The following SNAP91 variants were observed in gnomAD, a reference collection of about 807,000 sequenced individuals.
The protein encoded by SNAP91 is synaptosome associated protein 91.
Under a neutral mutation model 100.3 loss-of-function variants are expected in SNAP91, and 27 were observed. The ratio of observed to expected loss-of-function variants is 0.27; its 90% confidence interval spans 0.20 to 0.37. The LOEUF is 0.37. Among genes scored for constraint, SNAP91 ranks in the 10% least tolerant of loss-of-function variants. The pLI is 1.00. For synonymous variants in SNAP91, 404 were observed against 398.6 expected (o/e 1.01, Z -0.16); for missense variants, 986 against 1,123.7 (o/e 0.88, Z 1.75).
At chr6:83,672,684 C>A (rs1188881911) in intron 2 of SNAP91, among the ~76,000 whole-genome samples, 1 of 152,100 alleles carries the variant, frequency 6.6e-6, no homozygotes, top group Non-Finnish European at 1.5e-5. Flanking sequence ...TTGTCATATG[C>A]CTGAATCTAA....
rs147363759 is a variant in SNAP91, at chr6:83,601,036, A to C, written c.1324+235T>G. On this transcript the variant is annotated intron_variant, in intron 16 of 29. Coordinates refer to ENST00000369694, the MANE Select transcript of SNAP91 (RefSeq NM_001242792.2). ...GTAGCAACATGAATTCTAATGTTAAAAAACGTGAAAATCAAATGGGCCTGA... is the reference window on the plus strand; with the variant it reads ...GTAGCAACATGAATTCTAATGTTAACAAACGTGAAAATCAAATGGGCCTGA... Among the ~76,000 whole-genome samples the C allele has an allele frequency of 2.5e-3, 376 of 152,342 alleles. 3 individuals are homozygous for C. Among genetic ancestry groups the C allele is most frequent in the African/African-American group, 2.7e-3 (113 of 41,582 alleles).
intron 6 of SNAP91, among the ~76,000 whole-genome samples, chr6:83,658,560 C>G (rs180939077): frequency 3.3e-5 from 5 of 151,924 alleles, no homozygotes; most frequent in African/African-American, 1.2e-4. Flanking sequence ...GAGCGGAGAT[C>G]GCGCCACTGC....
intron 11 of SNAP91, among the ~76,000 whole-genome samples, chr6:83,611,171 C>T (rs902795032): frequency 3.9e-5 from 6 of 152,004 alleles, no homozygotes; most frequent in Non-Finnish European, 7.4e-5. Context: ...AAATATGTCT[C>T]GGCTTCCATA....
intron 7 of SNAP91, among the ~76,000 whole-genome samples, chr6:83,652,148 A>C (rs571459072): frequency 1.3e-5 from 2 of 152,016 alleles, no homozygotes; most frequent in African/African-American, 4.8e-5. Context: ...TTTTAGATCT[A>C]CTCTGGTAAT....
chr6:83,678,880 T>G (rs1453027571), intron 2 of SNAP91: 1 of 1,212,210 alleles, frequency 8.2e-7, no homozygotes, highest in African/African-American at 1.6e-5. Flanking sequence ...ACAACTTTAG[T>G]TCTCAGTACA....
At chr6:83,620,569 G>A (rs2096672959) in intron 9 of SNAP91, among the ~76,000 whole-genome samples, 3 of 151,506 alleles carry the variant, frequency 2.0e-5, no homozygotes, top group South Asian at 4.2e-4. Context: ...TAGACCTGCC[G>A]AGGGGCTCTA....
At chr6:83,566,375 A>G (rs557994515) in intron 26 of SNAP91, among the ~76,000 whole-genome samples, 3 of 152,152 alleles carry the variant, frequency 2.0e-5, no homozygotes, top group African/African-American at 7.2e-5. Flanking sequence ...CTCAATAAAA[A>G]TTTTTTCAAA....
chr6:83,661,599 C>T lies in SNAP91; in HGVS notation c.355G>A (p.Asp119Asn), dbSNP rs762551616. 3 of 1,569,548 alleles carry T rather than the reference C, an allele frequency of 1.9e-6. No individual in the cohort carries two copies. Among genetic ancestry groups the T allele is most frequent in the Non-Finnish European group, 2.6e-6 (3 of 1,147,574 alleles). The part of the protein sequence containing the change: ...FLDKSGSHGY[D>N]MSTFIRRYSR... ...TAGCGCCTTATGAAGGTAGACATAT[C>T]ATAACCTGGGAGAGTGGAAAGAAGA... The change falls in exon 5 of 30, where the codon GAT becomes AAT. Residue 119 changes from aspartate to asparagine, a missense_variant. Coordinates refer to ENST00000369694, the MANE Select transcript of SNAP91 (RefSeq NM_001242792.2).
At chr6:83,577,141 A>T (rs1002231918) in intron 24 of SNAP91, among the ~76,000 whole-genome samples, 2 of 152,152 alleles carry the variant, frequency 1.3e-5, no homozygotes, top group Admixed American at 1.3e-4. Flanking sequence ...GGATTCATAG[A>T]AGTGAGACTT....
chr6:83,612,263 G>T (rs193212293), intron 11 of SNAP91, among the ~76,000 whole-genome samples: 1 of 152,162 alleles, frequency 6.6e-6, no homozygotes, highest in Admixed American at 6.5e-5. Flanking sequence ...GTGTCAAAGG[G>T]TCTACTGAAA....
At chr6:83,613,069 AATC>A (rs1468558045) in intron 11 of SNAP91, among the ~76,000 whole-genome samples, 12 of 152,186 alleles carry the variant, frequency 7.9e-5, no homozygotes, top group Non-Finnish European at 1.2e-4. Context: ...AAGTATGAAA[AATC>A]ATAATTGGTA....
chr6:83,592,360 C>A, intron 21 of SNAP91, 95 bp downstream of exon 21: 1 of 856,860 alleles, frequency 1.2e-6, no homozygotes, highest in Non-Finnish European at 1.7e-6. Context: ...TTTATATAGC[C>A]TAAAGAAAAA....
At position 83,694,363 on chromosome 6, in the gene SNAP91, G is replaced by A. The variant is rs187763015; in HGVS notation, c.130+13435C>T. 8.2e-4 allele frequency among the ~76,000 whole-genome samples: 125 copies of A among 152,300 alleles called. No individual in the cohort carries two copies. In the South Asian group the frequency reaches 0.013, roughly 16 times the overall value. On this transcript the variant is annotated intron_variant, in intron 2 of 29. Transcript: ENST00000369694. ...TGCATAGATGACAGTGGAGGACTCT[G>A]AAGCTCTAGATGACAGAATTTCTAG...
intron 2 of SNAP91, among the ~76,000 whole-genome samples, chr6:83,668,517 C>T (rs1341043937): frequency 2.0e-5 from 3 of 152,090 alleles, no homozygotes; most frequent in Non-Finnish European, 4.4e-5. Flanking sequence ...ATGATGAGTT[C>T]ATGTCCTTTG....
chr6:83,699,139 C>T (rs545954823), intron 2 of SNAP91, among the ~76,000 whole-genome samples: 142 of 152,190 alleles, frequency 9.3e-4, no homozygotes, highest in African/African-American at 3.3e-3. Context: ...CCCTAGGATT[C>T]CCACAAATGA....
At chr6:83,618,064 A>G (rs1562367181) in intron 9 of SNAP91, among the ~76,000 whole-genome samples, 1 of 151,916 alleles carries the variant, frequency 6.6e-6, no homozygotes, top group Non-Finnish European at 1.5e-5. Context: ...TGTATCTTTT[A>G]CACTGTACCT....
intron 7 of SNAP91, among the ~76,000 whole-genome samples, chr6:83,646,592 C>A (rs2128604588): frequency 6.6e-6 from 1 of 152,268 alleles, no homozygotes; most frequent in East Asian, 1.9e-4. Context: ...ACCACAATAT[C>A]TTGATTACTG....
At chr6:83,665,304 T>A in intron 3 of SNAP91, 135 bp downstream of exon 3, 8 of 831,484 alleles carry the variant, frequency 9.6e-6, no homozygotes, top group Non-Finnish European at 3.7e-6. Flanking sequence ...ACTTGTATTC[T>A]AGATGATCCG....
At chr6:83,577,538 C>T (rs990011562) in intron 24 of SNAP91, among the ~76,000 whole-genome samples, 15 of 151,972 alleles carry the variant, frequency 9.9e-5, no homozygotes, top group African/African-American at 1.5e-4. Context: ...TCATGGCAGA[C>T]GGGAATGAGT....
Sources: allele counts gnomAD v4.1 joint callset (sites outside exome capture counted in the v4.1 genomes callset), GRCh38; gene constraint gnomAD v4.1.1; transcripts MANE v1.5; gene names NCBI Gene and HGNC (gene_info 2026-07-23, HGNC 2026-07-21).